Variants in CSMD1 observed in about 807,000 individuals in gnomAD.
CSMD1 encodes CUB and sushi domain-containing protein 1.
A neutral mutation model predicts 417.5 loss-of-function variants in CSMD1; 213 were observed. That is an observed-to-expected ratio of 0.51 (90% CI 0.46 to 0.57). CSMD1 has a LOEUF of 0.57. Ranked by LOEUF, CSMD1 falls within the 20% of genes least tolerant of loss-of-function variation. The pLI, the probability that CSMD1 is intolerant of heterozygous loss-of-function variation, is 0.00. For missense variants in CSMD1, 6,923 were observed against 4,529.7 expected (o/e 1.53, Z -15.17); for synonymous variants, 2,862 against 1,736.8 (o/e 1.65, Z -16.11).
chr8:3,443,085 G>C (rs1159834507), intron 12 of CSMD1, among the ~76,000 whole-genome samples: 1 of 152,128 alleles, frequency 6.6e-6, no homozygotes, highest in East Asian at 1.9e-4. Flanking sequence ...CAAGGCCATG[G>C]ACTTGCATTT....
At chr8:4,788,219 T>A (rs1306337585) in intron 1 of CSMD1, 1 of 1,585,070 alleles carries the variant, frequency 6.3e-7, no homozygotes, top group African/African-American at 1.3e-5. Flanking sequence ...CATCTGCGCA[T>A]AAAGGACCAG....
intron 5 of CSMD1, among the ~76,000 whole-genome samples, chr8:3,915,303 G>A (rs569687459): frequency 6.7e-6 from 1 of 149,642 alleles, no homozygotes; most frequent in Admixed American, 6.7e-5. Flanking sequence ...CTATTCAGGA[G>A]TCTAAGGCAG....
Position 4,719,769 on chromosome 8 carries a change from A to G in CSMD1, c.86-82211T>C, listed in dbSNP as rs1030546461. Among the ~76,000 whole-genome samples the G allele has an allele frequency of 5.1e-4, 78 of 152,340 alleles. 1 individual carries two copies. The highest frequency in any genetic ancestry group is 2.5e-4 in the Non-Finnish European group (17 of 68,026). Reference sequence around the variant, plus strand: ...AATATGCACTTACGATTTTCAAAGTACAAATTATTATTTCCCTTTGAGAGC... The same window carrying G: ...AATATGCACTTACGATTTTCAAAGTGCAAATTATTATTTCCCTTTGAGAGC... On this transcript the variant is annotated intron_variant, in intron 1 of 69. Coordinates refer to ENST00000635120, the MANE Select transcript of CSMD1 (RefSeq NM_033225.6).
intron 48 of CSMD1, 144 bp downstream of exon 48, chr8:3,091,372 A>T (rs7843001): frequency 0.33 from 173,484 of 522,156 alleles, 29,944 homozygotes; most frequent in East Asian, 0.43. Context: ...CAGAATAATT[A>T]CCCATCATAT....
At chr8:4,319,754 C>G (rs185380667) in intron 3 of CSMD1, among the ~76,000 whole-genome samples, 1 of 152,184 alleles carries the variant, frequency 6.6e-6, no homozygotes, top group Admixed American at 6.5e-5. Context: ...GGGCCAAAGG[C>G]TGCTAGAGTT....
intron 1 of CSMD1, among the ~76,000 whole-genome samples, chr8:4,992,967 G>C (rs1042368441): frequency 6.6e-6 from 1 of 152,208 alleles, no homozygotes. Context: ...CTTTCACGGA[G>C]CCCTGGACGC....
intron 2 of CSMD1, among the ~76,000 whole-genome samples, chr8:4,435,802 C>A (rs78822406): frequency 6.6e-6 from 1 of 152,198 alleles, no homozygotes; most frequent in Non-Finnish European, 1.5e-5. Flanking sequence ...AGAAGACAGA[C>A]CGTGTCCCGA....
chr8:3,438,505 G>C (rs937432420), intron 12 of CSMD1, among the ~76,000 whole-genome samples: 1 of 152,176 alleles, frequency 6.6e-6, no homozygotes, highest in African/African-American at 2.4e-5. Context: ...AAATGCATGT[G>C]ACCTTCTGGG....
intron 26 of CSMD1, chr8:3,279,204 A>T (rs1362997297): frequency 6.6e-6 from 1 of 152,322 alleles, no homozygotes; most frequent in African/African-American, 2.4e-5. Flanking sequence ...GTGGCCGCCC[A>T]GACCGTTGGC....
chr8:4,064,808 CTT>C (rs1432536480), intron 3 of CSMD1, among the ~76,000 whole-genome samples: 1 of 152,014 alleles, frequency 6.6e-6, no homozygotes, highest in Non-Finnish European at 1.5e-5. Flanking sequence ...TCCCGGTGAT[CTT>C]GTTATTTATA....
At chr8:3,920,031 C>G (rs915531709) in intron 5 of CSMD1, among the ~76,000 whole-genome samples, 3 of 150,526 alleles carry the variant, frequency 2.0e-5, no homozygotes, top group African/African-American at 7.3e-5. Flanking sequence ...TTGTTTTTTA[C>G]TTTTTTGTTT....
chr8:3,711,708 T>C (rs1801518214), intron 6 of CSMD1, among the ~76,000 whole-genome samples: 1 of 152,118 alleles, frequency 6.6e-6, no homozygotes, highest in Non-Finnish European at 1.5e-5. Flanking sequence ...CTGCCAGCTC[T>C]CCCCAGGATA....
intron 1 of CSMD1, among the ~76,000 whole-genome samples, chr8:4,922,565 C>T (rs1043254639): frequency 3.9e-5 from 6 of 152,132 alleles, no homozygotes; most frequent in Admixed American, 6.5e-5. Context: ...GCACATATTA[C>T]ATTTGTTTTC....
At chr8:4,377,990 A>T (rs1802864007) in intron 3 of CSMD1, among the ~76,000 whole-genome samples, 1 of 152,198 alleles carries the variant, frequency 6.6e-6, no homozygotes, top group Admixed American at 6.5e-5. Flanking sequence ...TGTCAACAAC[A>T]TTTAAATATA....
At chr8:4,976,445 T>A (rs1484190115) in intron 1 of CSMD1, among the ~76,000 whole-genome samples, 5 of 152,222 alleles carry the variant, frequency 3.3e-5, no homozygotes, top group Admixed American at 3.3e-4. Flanking sequence ...AAATACAATT[T>A]TGACAAAAAA....
intron 3 of CSMD1, among the ~76,000 whole-genome samples, chr8:4,409,848 C>G (rs1203587194): frequency 1.3e-5 from 2 of 152,070 alleles, no homozygotes; most frequent in African/African-American, 4.8e-5. Flanking sequence ...GAGTCTCACT[C>G]TGTTGCCCAG....
At chr8:4,872,483 C>T (rs1331145166) in intron 1 of CSMD1, among the ~76,000 whole-genome samples, 2 of 151,998 alleles carry the variant, frequency 1.3e-5, no homozygotes, top group Non-Finnish European at 2.9e-5. Flanking sequence ...TCCTTCCTGC[C>T]GCCTTCTGAA....
chr8:4,027,135 G>A (rs1275383095), intron 4 of CSMD1, among the ~76,000 whole-genome samples: 2 of 152,162 alleles, frequency 1.3e-5, no homozygotes, highest in Non-Finnish European at 2.9e-5. Flanking sequence ...CACTCATGTT[G>A]GGTACACTAC....
At chr8:3,555,200 G>C (rs1246826564) in intron 10 of CSMD1, among the ~76,000 whole-genome samples, 1 of 152,022 alleles carries the variant, frequency 6.6e-6, no homozygotes, top group Admixed American at 6.5e-5. Flanking sequence ...TGTAGGGAAA[G>C]ATGGACGGGA....
Sources: allele counts gnomAD v4.1 joint callset (sites outside exome capture counted in the v4.1 genomes callset), GRCh38; gene constraint gnomAD v4.1.1; transcripts MANE v1.5; gene names NCBI Gene and HGNC (gene_info 2026-07-23, HGNC 2026-07-21).